HECW2: variants seen among roughly 807,000 people sequenced by gnomAD.
HECW2 encodes the protein E3 ubiquitin-protein ligase HECW2.
Under a neutral mutation model 175.2 loss-of-function variants are expected in HECW2, and 61 were observed. The ratio of observed to expected loss-of-function variants is 0.35; its 90% CI spans 0.28 to 0.43. The LOEUF is 0.43. Ranked by LOEUF, HECW2 falls within the 20% of genes least tolerant of loss-of-function variation. The probability of loss-of-function intolerance (pLI) is 1.00; values close to 1 mark genes in which losing one functional copy is unlikely to be tolerated. For synonymous variants in HECW2, 671 were observed against 731.0 expected (o/e 0.92, Z 1.32); for missense variants, 1,524 against 2,000.5 (o/e 0.76, Z 4.54).
chr2:196,554,137 G>C (rs1689705999), intron 1 of HECW2, among the ~76,000 whole-genome samples: 1 of 152,044 alleles, frequency 6.6e-6, no homozygotes, highest in Non-Finnish European at 1.5e-5. Context: ...AGGAGATCGA[G>C]ACCACGGTGA....
At chr2:196,258,480 A>C (rs995883246) in intron 17 of HECW2, among the ~76,000 whole-genome samples, 3 of 152,250 alleles carry the variant, frequency 2.0e-5, no homozygotes, top group African/African-American at 4.8e-5. Context: ...TTGCTACAAC[A>C]GTTGGTGAAA....
At chr2:196,275,718 C>A (rs1242260558) in intron 15 of HECW2, among the ~76,000 whole-genome samples, 4 of 151,246 alleles carry the variant, frequency 2.6e-5, no homozygotes, top group Non-Finnish European at 5.9e-5. Context: ...CACCACTGCA[C>A]TCCTGCCTGG....
intron 15 of HECW2, among the ~76,000 whole-genome samples, chr2:196,278,133 A>AATATATATATATATATATATATAT (rs71009094): frequency 3.0e-5 from 2 of 66,570 alleles, no homozygotes; most frequent in African/African-American, 8.2e-5. Flanking sequence ...ATAATTAAAA[A>AATATATATATATATATATATATAT]ATATATATAT....
rs1460617704 is a variant in HECW2 at position 196,522,497 on chromosome 2, T to C, written c.-36+71011A>G. On this transcript the variant is annotated intron_variant, in intron 1 of 28. Transcript: ENST00000644978. ...CTTCAGTTTAATTAGATCCCATTTG[T>C]CAATTTTGGCTTTTGTTGCCATTGC... Among the ~76,000 whole-genome samples the C allele has an allele frequency of 2.0e-5, 3 of 151,614 alleles. No homozygotes were observed. In the East Asian group the frequency reaches 5.8e-4, roughly 29 times the overall value.
intron 2 of HECW2, among the ~76,000 whole-genome samples, chr2:196,356,194 T>C (rs1422536719): frequency 1.3e-5 from 2 of 152,224 alleles, no homozygotes; most frequent in African/African-American, 2.4e-5. Context: ...GTGTTTTACT[T>C]TGATTCACTC....
At chr2:196,208,448 T>C (rs1241094847) in intron 28 of HECW2, among the ~76,000 whole-genome samples, 1 of 152,254 alleles carries the variant, frequency 6.6e-6, no homozygotes, top group African/African-American at 2.4e-5. Flanking sequence ...CATGTTTAAT[T>C]CAGATAAGGT....
chr2:196,257,884 T>C lies in HECW2; in HGVS notation c.3358A>G (p.Thr1120Ala), dbSNP rs776312802. 6 of 1,613,742 alleles carry C rather than the reference T, an allele frequency of 3.7e-6. No homozygotes were observed. The highest frequency in any genetic ancestry group is 5.1e-6 in the Non-Finnish European group (6 of 1,179,772). ...SLREKIQFIR[T>A]EGTPGLVRLS... Reference sequence around the variant, plus strand: ...CGCACCAATCCTGGAGTCCCTTCAGTTCGGATAAATTGGATCTTCTCCCTA... The same window carrying C: ...CGCACCAATCCTGGAGTCCCTTCAGCTCGGATAAATTGGATCTTCTCCCTA... The change falls in exon 18 of 29, where the codon ACT becomes GCT. Residue 1120 changes from threonine to alanine, a missense_variant. This residue lies in a region of HECW2 where 291 missense variants were observed against 412.2 expected (regional missense o/e 0.71). Transcript: ENST00000644978.
chr2:196,394,505 T>A (rs570177908), intron 2 of HECW2, among the ~76,000 whole-genome samples: 1 of 152,140 alleles, frequency 6.6e-6, no homozygotes, highest in Admixed American at 6.5e-5. Flanking sequence ...GTAATTTTAG[T>A]GAGTCAATAA....
At chr2:196,330,505 A>T (rs1692318685) in intron 4 of HECW2, among the ~76,000 whole-genome samples, 1 of 152,218 alleles carries the variant, frequency 6.6e-6, no homozygotes, top group Non-Finnish European at 1.5e-5. Flanking sequence ...AACTTTACTC[A>T]GGCTCTTTGG....
chr2:196,458,541 C>T (rs13419806), intron 1 of HECW2, among the ~76,000 whole-genome samples: 31,313 of 151,842 alleles, frequency 0.21, 3,578 homozygotes, highest in African/African-American at 0.31. Context: ...CTAAAAAGCT[C>T]CAGATGGAAA....
chr2:196,202,552 T>C (rs956971472), intron 28 of HECW2, among the ~76,000 whole-genome samples: 7 of 152,154 alleles, frequency 4.6e-5, no homozygotes, highest in African/African-American at 1.7e-4. Flanking sequence ...GAAACATGCT[T>C]AATAGAATGA....
At chr2:196,415,733 G>A (rs1695238073) in intron 2 of HECW2, among the ~76,000 whole-genome samples, 1 of 152,158 alleles carries the variant, frequency 6.6e-6, no homozygotes. Context: ...CCACAACAAA[G>A]CCTGAAGAAT....
At chr2:196,210,728 C>T (rs1687252636) in intron 28 of HECW2, among the ~76,000 whole-genome samples, 1 of 151,804 alleles carries the variant, frequency 6.6e-6, no homozygotes. Context: ...ATTCTTCTGC[C>T]TCAGCCTCCC....
chr2:196,404,217 G>C (rs1694898323), intron 2 of HECW2, among the ~76,000 whole-genome samples: 1 of 152,140 alleles, frequency 6.6e-6, no homozygotes, highest in African/African-American at 2.4e-5. Flanking sequence ...TGGAGACTGG[G>C]CGTAAGTCCC....
Position 196,455,473 on chromosome 2 carries a change from T to C in HECW2, c.-35-22015A>G, listed in dbSNP as rs115096095. Among the ~76,000 whole-genome samples, 1,302 of 152,346 alleles carry C rather than the reference T, an allele frequency of 8.5e-3. 18 individuals are homozygous for C. Among genetic ancestry groups the C allele is most frequent in the African/African-American group, 0.03 (1,230 of 41,582 alleles). On this transcript the variant is annotated intron_variant, in intron 1 of 28. Transcript: ENST00000644978. ...CTTCTAAAACAAAGGTGAGTGATAATAGTGGTCATAAATATCCTTATCTCA... is the reference window on the plus strand; with the variant it reads ...CTTCTAAAACAAAGGTGAGTGATAACAGTGGTCATAAATATCCTTATCTCA...
intron 9 of HECW2, among the ~76,000 whole-genome samples, chr2:196,317,647 T>A (rs971153309): frequency 6.6e-5 from 10 of 151,352 alleles, no homozygotes; most frequent in Admixed American, 6.6e-4. Context: ...CATGCGCTAA[T>A]GCTTTAGGGT....
intron 10 of HECW2, chr2:196,317,036 T>C: frequency 2.2e-6 from 1 of 458,254 alleles, no homozygotes; most frequent in Admixed American, 3.3e-5. Context: ...ACCTCCATTA[T>C]TATTTACCCC....
intron 1 of HECW2, among the ~76,000 whole-genome samples, chr2:196,473,797 C>T (rs1371456477): frequency 1.3e-5 from 2 of 152,200 alleles, no homozygotes; most frequent in African/African-American, 4.8e-5. Flanking sequence ...GGGAACAGGA[C>T]ACAATCTAGG....
intron 1 of HECW2, among the ~76,000 whole-genome samples, chr2:196,434,567 G>A (rs1277487309): frequency 6.6e-6 from 1 of 152,168 alleles, no homozygotes; most frequent in Non-Finnish European, 1.5e-5. Context: ...CTATCTACCA[G>A]CGCCTTACCT....
Sources: gnomAD v4.1 joint callset for allele counts (sites outside exome capture counted in the v4.1 genomes callset) on GRCh38, gnomAD v4.1.1 for gene constraint, gnomAD v4.1.1 regional missense constraint, MANE v1.5 for transcripts, NCBI Gene and HGNC (gene_info 2026-07-23, HGNC 2026-07-21) for gene names.